TRAF3IP2: variants seen among roughly 807,000 people sequenced by gnomAD.
TRAF3IP2 encodes the protein TRAF3 interacting protein 2.
A neutral mutation model predicts 57.9 loss-of-function variants in TRAF3IP2; 35 were observed. That is an observed-to-expected ratio of 0.60 (90% CI 0.46 to 0.80). The LOEUF (loss-of-function observed/expected upper bound fraction) is 0.80, where lower values mean the gene tolerates loss of function less well. Ranked by LOEUF, TRAF3IP2 falls within the 30% of genes least tolerant of loss-of-function variation. The pLI, the probability that TRAF3IP2 is intolerant of heterozygous loss-of-function variation, is 0.00. For missense variants in TRAF3IP2, 556 were observed against 706.4 expected (o/e 0.79, Z 2.41); for synonymous variants, 251 against 268.9 (o/e 0.93, Z 0.65).
chr6:111,585,135 A>G (rs1447261162), intron 2 of TRAF3IP2, among the ~76,000 whole-genome samples: 6 of 152,208 alleles, frequency 3.9e-5, no homozygotes, highest in African/African-American at 1.4e-4. Context: ...GTCTGTTCCA[A>G]CAACCAGTTA....
chr6:111,570,814 C>T (rs1795806507), intron 5 of TRAF3IP2, among the ~76,000 whole-genome samples: 1 of 152,174 alleles, frequency 6.6e-6, no homozygotes, highest in Admixed American at 6.5e-5. Flanking sequence ...GATCCTCCCA[C>T]CTCTGCCTCC....
At position 111,591,505 on chromosome 6, in the gene TRAF3IP2, G is replaced by A. The variant is rs555411537; in HGVS notation, c.582C>T (p.Thr194=). ...HRNRAGLDLP[T]IDTGYDSQPQ... ...GCTGGGAATCATATCCCGTGTCTAT[G>A]GTTGGCAGATCCAGGCCTGCTCGGT... Residue 194 remains threonine (T), a synonymous_variant, in exon 2 of 9, where the codon ACC becomes ACT. Transcript: ENST00000368761. This position sits in a 1 kb window ranked among gnomAD's most constrained non-coding sequence, Gnocchi z 4.9. 1.9e-6 allele frequency: 3 copies of A among 1,612,162 alleles called. No homozygotes were observed. The highest frequency in any genetic ancestry group is 4.5e-5 in the East Asian group (2 of 44,830).
intron 1 of TRAF3IP2, among the ~76,000 whole-genome samples, chr6:111,603,318 A>G (rs1583251811): frequency 6.6e-6 from 1 of 152,228 alleles, no homozygotes; most frequent in African/African-American, 2.4e-5. Flanking sequence ...TCCAGTCCTC[A>G]GACACTTTCT....
chr6:111,567,225 G>A (rs1795680504), intron 6 of TRAF3IP2: 1 of 1,008,620 alleles, frequency 9.9e-7, no homozygotes, highest in South Asian at 4.3e-5. Context: ...CCTCGGGGGT[G>A]GTGTGCTGTG....
intron 1 of TRAF3IP2, among the ~76,000 whole-genome samples, chr6:111,595,685 G>A (rs1049539972): frequency 1.3e-5 from 2 of 151,954 alleles, no homozygotes; most frequent in African/African-American, 2.4e-5. Flanking sequence ...AAAATTAGCC[G>A]GGCATGATGG....
intron 6 of TRAF3IP2, chr6:111,567,338 G>A (rs748255312): frequency 2.2e-5 from 25 of 1,145,836 alleles, no homozygotes; most frequent in African/African-American, 3.2e-5. Context: ...CCCACTCTCC[G>A]CCTTCATTTC....
intron 1 of TRAF3IP2, chr6:111,602,105 C>G (rs1420325338): frequency 6.6e-6 from 1 of 152,170 alleles, no homozygotes; most frequent in African/African-American, 2.4e-5. Context: ...TATTTACTGG[C>G]CCTTGGACAT....
At position 111,568,432 on chromosome 6, in the gene TRAF3IP2, AGTGTGTGTGTGT is replaced by A. The variant is rs58088162; in HGVS notation, c.1291-752_1291-741del. Among the ~76,000 whole-genome samples the A allele has an allele frequency of 9.4e-3, 1,385 of 146,772 alleles. 19 individuals are homozygous for A. Among genetic ancestry groups the A allele is most frequent in the Middle Eastern group, 0.036 (10 of 280 alleles). ...TCTTGGGCTCAGGCTTATACTGCAGAGTGTGTGTGTGTGTGTGTGTGTGTGTGTGTGTGTGTG... is the reference window on the plus strand; with the variant it reads ...TCTTGGGCTCAGGCTTATACTGCAGAGTGTGTGTGTGTGTGTGTGTGTGTG... On this transcript the variant is annotated intron_variant, in intron 5 of 8. Transcript: ENST00000368761.
intron 7 of TRAF3IP2, 97 bp downstream of exon 7, chr6:111,566,347 C>A: frequency 1.0e-6 from 1 of 969,256 alleles, no homozygotes; most frequent in Admixed American, 1.9e-5. Flanking sequence ...CAGCATCATG[C>A]TGCCTTCAGC....
intron 2 of TRAF3IP2, among the ~76,000 whole-genome samples, chr6:111,582,209 G>A (rs1583231979): frequency 6.6e-6 from 1 of 152,128 alleles, no homozygotes; most frequent in Non-Finnish European, 1.5e-5. Flanking sequence ...CAGATTCCCT[G>A]GACTCAATCT....
chr6:111,594,881 A>C (rs1366479518), intron 1 of TRAF3IP2, among the ~76,000 whole-genome samples: 1 of 152,100 alleles, frequency 6.6e-6, no homozygotes, highest in Non-Finnish European at 1.5e-5. Flanking sequence ...GTGCCATGGC[A>C]CTCCAGCCTG....
At chr6:111,592,220 G>A (rs1796548291) in intron 1 of TRAF3IP2, 126 bp from the exon 2 acceptor site, 3 of 807,604 alleles carry the variant, frequency 3.7e-6, no homozygotes, top group Admixed American at 4.7e-5. Flanking sequence ...CAATGTGCTT[G>A]CAAAGCCCTA....
intron 5 of TRAF3IP2, among the ~76,000 whole-genome samples, chr6:111,571,761 C>T (rs1253870282): frequency 6.6e-6 from 1 of 151,910 alleles, no homozygotes; most frequent in Non-Finnish European, 1.5e-5. Flanking sequence ...CCCATCTCTA[C>T]TAAAAATACA....
At chr6:111,594,902 C>A (rs1426930580) in intron 1 of TRAF3IP2, among the ~76,000 whole-genome samples, 2 of 152,144 alleles carry the variant, frequency 1.3e-5, no homozygotes, top group Non-Finnish European at 2.9e-5. Context: ...AGTGACAGAG[C>A]AAGAACCTGT....
intron 1 of TRAF3IP2, chr6:111,601,281 G>A (rs915782593): frequency 2.0e-5 from 15 of 736,066 alleles, no homozygotes; most frequent in African/African-American, 1.0e-4. Flanking sequence ...TTTCCTTCAC[G>A]CCATCACAAG....
rs754257355 is a variant in TRAF3IP2, at chr6:111,559,402, G to GTGTCACAAGGGAACCACC, written c.1683_*2dup. The GTGTCACAAGGGAACCACC allele has an allele frequency of 6.2e-7, 1 of 1,612,908 alleles. No homozygotes were observed. The highest frequency in any genetic ancestry group is 8.5e-7 in the Non-Finnish European group (1 of 1,179,670). ...GGCCTCAGTGATCTGGGGATGAACG[G>GTGTCACAAGGGAACCACC]TGTCACAAGGGAACCACCTGAAGGG... is the stretch of plus-strand genomic sequence containing the variant. On this transcript the variant is annotated 3_prime_UTR_variant, in exon 9 of 9. Transcript: ENST00000368761.
chr6:111,575,240 C>A (rs1319544672), intron 4 of TRAF3IP2, among the ~76,000 whole-genome samples: 1 of 151,842 alleles, frequency 6.6e-6, no homozygotes, highest in Non-Finnish European at 1.5e-5. Flanking sequence ...AAAGGAAAAT[C>A]TTCGAGATTA....
At chr6:111,603,580 G>A (rs1796939420) in intron 1 of TRAF3IP2, among the ~76,000 whole-genome samples, 1 of 152,200 alleles carries the variant, frequency 6.6e-6, no homozygotes, top group Admixed American at 6.5e-5. Context: ...GTAAAACAAA[G>A]ATTTCATTTA....
At chr6:111,562,852 A>G (rs1795497444) in intron 8 of TRAF3IP2, 113 bp downstream of exon 8, 1 of 883,934 alleles carries the variant, frequency 1.1e-6, no homozygotes. Context: ...CTCAAAAAAA[A>G]AAAAAAAGAA....
Sources: allele counts gnomAD v4.1 joint callset (sites outside exome capture counted in the v4.1 genomes callset), GRCh38; gene constraint gnomAD v4.1.1; non-coding constraint Gnocchi (gnomAD v3.1); transcripts MANE v1.5; gene names NCBI Gene and HGNC (gene_info 2026-07-23, HGNC 2026-07-21).